The following GDI2 variants were observed in gnomAD, a reference collection of about 807,000 sequenced individuals.
GDI2 encodes the protein GDP dissociation inhibitor 2, also known as rab GDP dissociation inhibitor beta.
A neutral mutation model predicts 54.2 loss-of-function variants in GDI2; 22 were observed. The ratio of observed to expected loss-of-function variants is 0.41; its 90% CI spans 0.29 to 0.58. The LOEUF (loss-of-function observed/expected upper bound fraction) is 0.58. Ranked by LOEUF, GDI2 falls within the 20% of genes least tolerant of loss-of-function variation. GDI2 has a pLI of 0.35. For missense variants in GDI2, 422 were observed against 546.0 expected (o/e 0.77, Z 2.26); for synonymous variants, 177 against 182.1 (o/e 0.97, Z 0.23).
chr10:5,785,096 G>C (rs747079512), intron 6 of GDI2, 46 bp downstream of exon 6: 6 of 1,414,954 alleles, frequency 4.2e-6, no homozygotes, highest in Non-Finnish European at 4.8e-6. Context: ...ACATTATGTT[G>C]AAGATGAGGT....
chr10:5,787,230 C>T (rs1474133564), intron 4 of GDI2, among the ~76,000 whole-genome samples: 3 of 152,212 alleles, frequency 2.0e-5, no homozygotes, highest in African/African-American at 7.2e-5. Context: ...CTGGTCAGGT[C>T]GTAGTGGCTC....
chr10:5,785,124 T>A lies in GDI2; in HGVS notation c.719+18A>T, dbSNP rs1293486814. 2.6e-6 allele frequency: 4 copies of A among 1,556,948 alleles called. No individual in the cohort carries two copies. In the South Asian group the frequency reaches 4.8e-5, roughly 19 times the overall value. ...GATGAGGTTTTGGATCACTGAGGTT[T>A]TAAACACAGGCTCTTACCTTGCAAA... On this transcript the variant is annotated intron_variant, in intron 6 of 10. Coordinates refer to ENST00000380191, the MANE Select transcript of GDI2 (RefSeq NM_001494.4).
Position 5,776,602 on chromosome 10 carries a change from G to A in GDI2, c.720-2661C>T. 1 of 1,528,472 alleles carries A rather than the reference G, an allele frequency of 6.5e-7. No homozygotes were observed. Among genetic ancestry groups the A allele is most frequent in the Non-Finnish European group, 9.0e-7 (1 of 1,105,462 alleles). 94.7% of individuals were successfully genotyped at this position (1,528,472 alleles called of 1,614,324 possible). ...TAAGGAAAGAAAATAAACAACTCAA[G>A]GCTGAAAAGGGCAGACTTCTAAATG... On this transcript the variant is annotated intron_variant, in intron 6 of 10. Coordinates refer to ENST00000380191, the MANE Select transcript of GDI2 (RefSeq NM_001494.4). This position sits in a 1 kb window ranked among gnomAD's most constrained non-coding sequence, Gnocchi z 5.3.
intron 4 of GDI2, among the ~76,000 whole-genome samples, chr10:5,786,301 G>T (rs1167399253): frequency 1.3e-5 from 2 of 150,936 alleles, no homozygotes; most frequent in African/African-American, 4.9e-5. Context: ...CTCCCGAGTA[G>T]CTGGGATTAT....
intron 6 of GDI2, among the ~76,000 whole-genome samples, chr10:5,779,274 G>A (rs1276531840): frequency 1.3e-5 from 2 of 152,074 alleles, no homozygotes; most frequent in African/African-American, 4.8e-5. Flanking sequence ...AGTTTGGGAG[G>A]CTGAGGCGGG....
Position 5,808,635 on chromosome 10 carries a change from C to T in GDI2, c.45+4579G>A, listed in dbSNP as rs547595381. Among the ~76,000 whole-genome samples the T allele has an allele frequency of 4.3e-5, 6 of 138,588 alleles. No homozygotes were observed. In the East Asian group the frequency reaches 1.1e-3, roughly 26 times the overall value. The allele number at this position is 138,588 out of a possible 152,430, so 90.9% of individuals were successfully genotyped here. ...AGGTTGTAGTGAGCTGAGATTGAAC[C>T]ACCGCACTCCAGCCTGGGTAACAGA... On this transcript the variant is annotated intron_variant, in intron 1 of 10. Coordinates refer to ENST00000380191, the MANE Select transcript of GDI2 (RefSeq NM_001494.4).
chr10:5,778,185 T>C (rs1208874989), intron 6 of GDI2, among the ~76,000 whole-genome samples: 3 of 152,130 alleles, frequency 2.0e-5, no homozygotes, highest in African/African-American at 4.8e-5. Context: ...ATGTAGATGA[T>C]GGGTTGATGA....
chr10:5,792,826 A>G (rs1051292511), intron 4 of GDI2, among the ~76,000 whole-genome samples: 1 of 151,960 alleles, frequency 6.6e-6, no homozygotes, highest in Non-Finnish European at 1.5e-5. Context: ...AATGTTTTAT[A>G]TATCTGAAAA....
chr10:5,803,190 GGCAGAT>G lies in GDI2; in HGVS notation c.46-2491_46-2486del, dbSNP rs1564398986. 3.6e-3 allele frequency among the ~76,000 whole-genome samples: 546 copies of G among 152,298 alleles called. 3 individuals carry two copies. The highest frequency in any genetic ancestry group is 0.012 in the African/African-American group (519 of 41,576). On this transcript the variant is annotated intron_variant, in intron 1 of 10. Coordinates refer to ENST00000380191, the MANE Select transcript of GDI2 (RefSeq NM_001494.4). ...AATTTTGTTTTAGAAAATATACTCA[GGCAGAT>G]GGCTTAAGCCCAGGAGTTGGATGGA...
chr10:5,813,392 C>T lies in GDI2; in HGVS notation c.-134G>A, dbSNP rs765093400. 291 of 534,266 alleles carry T rather than the reference C, an allele frequency of 5.4e-4. No individual in the cohort carries two copies. The highest frequency in any genetic ancestry group is 2.5e-3 in the African/African-American group (125 of 49,618). The allele number at this position is 534,266 out of a possible 1,614,324, so 33.1% of individuals were successfully genotyped here. On this transcript the variant is annotated 5_prime_UTR_variant, in exon 1 of 11. Coordinates refer to ENST00000380191, the MANE Select transcript of GDI2 (RefSeq NM_001494.4). ...AAAGAGAGGAAAATGGAGCTGGCGA[C>T]AAGGCGAGACCGACCGCCACCTCAG...
intron 6 of GDI2, among the ~76,000 whole-genome samples, chr10:5,781,085 C>G (rs1047158273): frequency 2.0e-5 from 3 of 151,758 alleles, no homozygotes; most frequent in African/African-American, 7.3e-5. Context: ...TCATATGTAG[C>G]CAACTGATCT....
intron 1 of GDI2, 122 bp from the exon 2 acceptor site, chr10:5,800,827 C>A: frequency 1.4e-5 from 9 of 637,832 alleles, no homozygotes; most frequent in Admixed American, 4.7e-5. Flanking sequence ...TGCAACATGA[C>A]ATAATTTATG....
chr10:5,792,973 A>G (rs1471057351), intron 4 of GDI2, among the ~76,000 whole-genome samples: 6 of 151,758 alleles, frequency 4.0e-5, no homozygotes. Context: ...AAAAAAAAAA[A>G]AAAAAATTCT....
chr10:5,770,182 G>A (rs1840454213), intron 7 of GDI2, among the ~76,000 whole-genome samples: 1 of 152,200 alleles, frequency 6.6e-6, no homozygotes, highest in South Asian at 2.1e-4. Context: ...TAAAATCATA[G>A]AGAAAGAAAG....
chr10:5,769,552 T>C (rs1840437857), intron 7 of GDI2, among the ~76,000 whole-genome samples: 1 of 145,538 alleles, frequency 6.9e-6, no homozygotes, highest in African/African-American at 2.6e-5. Context: ...GGCTGGGCAA[T>C]GAGCAAAACT....
At chr10:5,812,454 A>G (rs1841496702) in intron 1 of GDI2, among the ~76,000 whole-genome samples, 1 of 152,186 alleles carries the variant, frequency 6.6e-6, no homozygotes, top group African/African-American at 2.4e-5. Context: ...TTAGGGGAAA[A>G]CAGTCCAGAA....
rs971126088 is a variant in GDI2, at chr10:5,785,044, T to C, written c.719+98A>G. 1.2e-5 allele frequency: 9 copies of C among 738,278 alleles called. 1 individual carries two copies. The highest frequency in any genetic ancestry group is 7.2e-5 in the African/African-American group (4 of 55,738). 45.7% of individuals were successfully genotyped at this position (738,278 alleles called of 1,614,324 possible). A position where few individuals can be genotyped will look rare whatever the true frequency, so the allele number is the denominator to read the frequency against. On this transcript the variant is annotated intron_variant, in intron 6 of 10. Transcript: ENST00000380191. Reference sequence around the variant, plus strand: ...AAAATAAAAAGCATCTTATTACTCATAGACTGATCTCATCTCATTATTTAA... The same window carrying C: ...AAAATAAAAAGCATCTTATTACTCACAGACTGATCTCATCTCATTATTTAA...
intron 2 of GDI2, among the ~76,000 whole-genome samples, chr10:5,797,502 G>A (rs1180322711): frequency 1.4e-5 from 2 of 144,362 alleles, no homozygotes; most frequent in Admixed American, 7.2e-5. Context: ...CCGAGATAGC[G>A]TGACTGCACT....
At chr10:5,804,098 T>TC (rs1165979407) in intron 1 of GDI2, among the ~76,000 whole-genome samples, 2 of 150,354 alleles carry the variant, frequency 1.3e-5, no homozygotes, top group Non-Finnish European at 3.0e-5. Context: ...CATTCTTTCT[T>TC]TTTTTTTTTA....
Sources: gnomAD v4.1 joint callset for allele counts (sites outside exome capture counted in the v4.1 genomes callset) on GRCh38, gnomAD v4.1.1 for gene constraint, Gnocchi (gnomAD v3.1) non-coding constraint, MANE v1.5 for transcripts, NCBI Gene and HGNC (gene_info 2026-07-23, HGNC 2026-07-21) for gene names.